Variants in LSAMP observed in about 807,000 individuals in gnomAD.
The protein encoded by LSAMP is limbic system associated membrane protein, also known as limbic system-associated membrane protein.
A neutral mutation model predicts 38.6 loss-of-function variants in LSAMP; 7 were observed. That is an observed-to-expected ratio of 0.18 (90% CI 0.10 to 0.34). LSAMP has a LOEUF of 0.34. LSAMP is among the 10% of genes least tolerant of loss of function. The pLI is 1.00. For synonymous variants in LSAMP, 154 were observed against 166.8 expected, an observed-to-expected ratio of 0.92 and a Z score of 0.59; for missense variants, 313 against 420.0, an observed-to-expected ratio of 0.75 and a Z score of 2.23.
intron 1 of LSAMP, among the ~76,000 whole-genome samples, chr3:116,298,641 C>T (rs775884213): frequency 6.6e-6 from 1 of 152,182 alleles, no homozygotes; most frequent in Non-Finnish European, 1.5e-5. Flanking sequence ...GTTTCCTTAT[C>T]TATCAAAGTA....
chr3:116,314,480 A>G (rs554072790), intron 1 of LSAMP, among the ~76,000 whole-genome samples: 2 of 152,368 alleles, frequency 1.3e-5, no homozygotes, highest in South Asian at 2.1e-4. Context: ...AACGTTAAAA[A>G]GAAAATGGCG....
rs1401521749 is a variant in LSAMP, at chr3:116,269,303, A to AATCT, written c.155+175570_155+175573dup. ...TCCTCATTTATATAATGCTAATGGC[A>AATCT]ATCTCTCTTATTAAATGTTAAATAA... On this transcript the variant is annotated intron_variant, in intron 1 of 6. Coordinates refer to ENST00000490035, the MANE Select transcript of LSAMP (RefSeq NM_002338.5). Among the ~76,000 whole-genome samples, 8 of 152,152 alleles carry AATCT rather than the reference A, an allele frequency of 5.3e-5. No individual in the cohort carries two copies. In the South Asian group the frequency reaches 6.2e-4, roughly 12 times the overall value.
chr3:116,424,349 T>C (rs1402406867), intron 1 of LSAMP, among the ~76,000 whole-genome samples: 1 of 152,178 alleles, frequency 6.6e-6, no homozygotes, highest in Non-Finnish European at 1.5e-5. Flanking sequence ...AGAGAGCAGT[T>C]TATAGTTCAT....
At chr3:116,397,671 G>C (rs2048786705) in intron 1 of LSAMP, among the ~76,000 whole-genome samples, 1 of 152,178 alleles carries the variant, frequency 6.6e-6, no homozygotes, top group East Asian at 1.9e-4. Context: ...GAACAGCCTG[G>C]TAATATAGTC....
chr3:115,922,338 C>T (rs1349048153), intron 3 of LSAMP, among the ~76,000 whole-genome samples: 1 of 152,032 alleles, frequency 6.6e-6, no homozygotes, highest in Non-Finnish European at 1.5e-5. Context: ...ATTCTTTCTT[C>T]TGCCTGGTCA....
chr3:116,428,844 G>T lies in LSAMP; in HGVS notation c.155+16033C>A, dbSNP rs142239786. On this transcript the variant is annotated intron_variant, in intron 1 of 6. Transcript: ENST00000490035. ...CATTTTTATTTTAATATCCATAGATGTTTCCACTGGGAATTTGTGACATTC... is the reference window on the plus strand; with the variant it reads ...CATTTTTATTTTAATATCCATAGATTTTTCCACTGGGAATTTGTGACATTC... 4.7e-4 allele frequency among the ~76,000 whole-genome samples: 72 copies of T among 152,282 alleles called. 1 individual carries two copies. The highest frequency in any genetic ancestry group is 1.5e-3 in the African/African-American group (61 of 41,546).
chr3:115,854,331 G>A (rs1397425218), intron 3 of LSAMP, among the ~76,000 whole-genome samples: 3 of 136,572 alleles, frequency 2.2e-5, no homozygotes, highest in South Asian at 2.3e-4. Context: ...AGCCTAGGCC[G>A]GATTGCAGTG....
intron 1 of LSAMP, among the ~76,000 whole-genome samples, chr3:116,331,934 C>T (rs1476007502): frequency 6.6e-6 from 1 of 151,938 alleles, no homozygotes; most frequent in African/African-American, 2.4e-5. Flanking sequence ...AAGATCTGGG[C>T]TCAAAAAGTC....
rs899120675 is a variant in LSAMP at position 116,014,876 on chromosome 3, T to C, written c.514+4639A>G. On this transcript the variant is annotated intron_variant, in intron 3 of 6. Coordinates refer to ENST00000490035, the MANE Select transcript of LSAMP (RefSeq NM_002338.5). ...AAACCCATGAGGTCAGAGTCTAGGC[T>C]GGTCATATTGGGTGAGTTACAATTA... 1.2e-4 allele frequency among the ~76,000 whole-genome samples: 19 copies of C among 152,312 alleles called. 1 individual carries two copies. The highest frequency in any genetic ancestry group is 4.1e-4 in the South Asian group (2 of 4,830).
At position 115,928,582 on chromosome 3, in the gene LSAMP, A is replaced by C. The variant is rs1219297359; in HGVS notation, c.515-75965T>G. Among the ~76,000 whole-genome samples the C allele has an allele frequency of 2.6e-5, 4 of 152,250 alleles. 1 individual carries two copies. The highest frequency in any genetic ancestry group is 2.6e-4 in the Admixed American group (4 of 15,290). ...GAACTTCCTTTAAAATGTTAAGTGC[A>C]TATTGTGAATCTCTAGAGATGTTTT... On this transcript the variant is annotated intron_variant, in intron 3 of 6. Coordinates refer to ENST00000490035, the MANE Select transcript of LSAMP (RefSeq NM_002338.5).
intron 3 of LSAMP, among the ~76,000 whole-genome samples, chr3:115,976,325 G>A (rs1018603793): frequency 2.0e-5 from 3 of 152,130 alleles, no homozygotes; most frequent in African/African-American, 7.2e-5. Flanking sequence ...GAGAAGATTA[G>A]GGGAGATGGA....
intron 6 of LSAMP, among the ~76,000 whole-genome samples, chr3:115,814,766 A>G (rs1360165860): frequency 6.6e-6 from 1 of 152,206 alleles, no homozygotes; most frequent in Non-Finnish European, 1.5e-5. Context: ...TTCTCTTAGA[A>G]TTATTAAGGG....
intron 3 of LSAMP, among the ~76,000 whole-genome samples, chr3:115,970,166 G>GA (rs377669379): frequency 2.2e-4 from 33 of 152,232 alleles, no homozygotes; most frequent in African/African-American, 7.7e-4. Flanking sequence ...AGAATGAACA[G>GA]AAAATAATAA....
intron 2 of LSAMP, among the ~76,000 whole-genome samples, chr3:116,081,511 G>T (rs1340814291): frequency 6.6e-6 from 1 of 151,872 alleles, no homozygotes; most frequent in Non-Finnish European, 1.5e-5. Flanking sequence ...TAAATTTAAA[G>T]GGCATCTAGA....
At chr3:116,225,254 G>T (rs1267703937) in intron 1 of LSAMP, among the ~76,000 whole-genome samples, 1 of 152,078 alleles carries the variant, frequency 6.6e-6, no homozygotes, top group Non-Finnish European at 1.5e-5. Context: ...TTTAATGACT[G>T]GTATTTTTAT....
intron 1 of LSAMP, among the ~76,000 whole-genome samples, chr3:116,098,156 T>C (rs535749048): frequency 1.3e-5 from 2 of 152,230 alleles, no homozygotes; most frequent in East Asian, 1.9e-4. Context: ...AATGTAGTGG[T>C]CTCCTCTCCC....
At chr3:115,878,647 A>G (rs1936247654) in intron 3 of LSAMP, among the ~76,000 whole-genome samples, 1 of 151,624 alleles carries the variant, frequency 6.6e-6, no homozygotes, top group Admixed American at 6.6e-5. Flanking sequence ...TTTTTAGTAG[A>G]GATGGGATTT....
chr3:116,285,682 C>T (rs1015522876), intron 1 of LSAMP, among the ~76,000 whole-genome samples: 1 of 152,128 alleles, frequency 6.6e-6, no homozygotes, highest in Non-Finnish European at 1.5e-5. Context: ...AGTTACTTTG[C>T]TTCCAAACTG....
chr3:116,265,966 T>C (rs967533658), intron 1 of LSAMP, among the ~76,000 whole-genome samples: 20 of 151,874 alleles, frequency 1.3e-4, no homozygotes, highest in African/African-American at 4.3e-4. Flanking sequence ...GGTTTTTTTT[T>C]CCCCTTCAAT....
Sources: allele counts gnomAD v4.1 joint callset (sites outside exome capture counted in the v4.1 genomes callset), GRCh38; gene constraint gnomAD v4.1.1; transcripts MANE v1.5; gene names NCBI Gene and HGNC (gene_info 2026-07-23, HGNC 2026-07-21).